MACROD2: variants seen among roughly 807,000 people sequenced by gnomAD.
MACROD2 encodes the protein ADP-ribose glycohydrolase MACROD2.
MACROD2 carries 36 observed loss-of-function variants against 70.4 expected under a neutral mutation model. That is an observed-to-expected ratio of 0.51 (90% CI 0.39 to 0.68). The LOEUF (loss-of-function observed/expected upper bound fraction) is 0.68. Among genes scored for constraint, MACROD2 ranks in the 30% least tolerant of loss-of-function variants. The pLI is 0.00. For missense variants in MACROD2, 496 were observed against 538.4 expected, an observed-to-expected ratio of 0.92 and a Z score of 0.78; for synonymous variants, 172 against 178.8, an observed-to-expected ratio of 0.96 and a Z score of 0.30.
At chr20:15,115,875 AT>A (rs1225543768) in intron 5 of MACROD2, among the ~76,000 whole-genome samples, 1 of 152,184 alleles carries the variant, frequency 6.6e-6, no homozygotes, top group Non-Finnish European at 1.5e-5. Flanking sequence ...GAAAAGAAAG[AT>A]CAGTTGGTGG....
chr20:15,641,806 C>T (rs938294371), intron 8 of MACROD2, among the ~76,000 whole-genome samples: 2 of 152,090 alleles, frequency 1.3e-5, no homozygotes, highest in African/African-American at 2.4e-5. Context: ...TTCTTTGTCT[C>T]CTAACCAAAA....
chr20:14,707,151 T>G (rs1401863738), intron 5 of MACROD2, among the ~76,000 whole-genome samples: 3 of 152,110 alleles, frequency 2.0e-5, no homozygotes, highest in Non-Finnish European at 4.4e-5. Context: ...TGAGTGTAAT[T>G]CCAGTCATCT....
chr20:15,588,340 C>G (rs2048631352), intron 8 of MACROD2, among the ~76,000 whole-genome samples: 1 of 152,136 alleles, frequency 6.6e-6, no homozygotes, highest in South Asian at 2.1e-4. Flanking sequence ...TCCCGGGCCT[C>G]TGAGCCTGTG....
At chr20:14,411,785 G>A (rs1450219062) in intron 3 of MACROD2, among the ~76,000 whole-genome samples, 1 of 152,018 alleles carries the variant, frequency 6.6e-6, no homozygotes, top group Admixed American at 6.6e-5. Flanking sequence ...GCTGTAGACT[G>A]TGCAACTATG....
At chr20:15,037,497 C>A (rs1172222256) in intron 5 of MACROD2, among the ~76,000 whole-genome samples, 1 of 152,132 alleles carries the variant, frequency 6.6e-6, no homozygotes, top group Non-Finnish European at 1.5e-5. Context: ...TGGTACAACT[C>A]TTTAGGATGA....
chr20:14,483,261 C>T (rs2084683245), intron 3 of MACROD2, among the ~76,000 whole-genome samples: 1 of 152,136 alleles, frequency 6.6e-6, no homozygotes, highest in Admixed American at 6.5e-5. Flanking sequence ...TGAATGGAAG[C>T]AGAAAGCTTA....
At chr20:14,011,339 T>C (rs1569113932) in intron 2 of MACROD2, among the ~76,000 whole-genome samples, 1 of 152,168 alleles carries the variant, frequency 6.6e-6, no homozygotes, top group Non-Finnish European at 1.5e-5. Context: ...AGCAGCCTTA[T>C]AAATGAGGGC....
chr20:14,202,517 A>G (rs1162734208), intron 3 of MACROD2, among the ~76,000 whole-genome samples: 1 of 152,214 alleles, frequency 6.6e-6, no homozygotes, highest in Non-Finnish European at 1.5e-5. Flanking sequence ...TAATTACTGA[A>G]TGAATCTCCA....
intron 7 of MACROD2, among the ~76,000 whole-genome samples, chr20:15,472,964 G>T (rs1308790090): frequency 1.3e-5 from 2 of 152,102 alleles, no homozygotes; most frequent in Non-Finnish European, 2.9e-5. Context: ...AATCTGGTAA[G>T]AATCTTTCTT....
chr20:14,393,846 A>G (rs891257418), intron 3 of MACROD2, among the ~76,000 whole-genome samples: 1 of 152,166 alleles, frequency 6.6e-6, no homozygotes. Flanking sequence ...GGTTAAGATG[A>G]TGTCATGCGG....
chr20:15,538,357 T>A (rs1000972819), intron 8 of MACROD2, among the ~76,000 whole-genome samples: 10 of 152,248 alleles, frequency 6.6e-5, no homozygotes, highest in Non-Finnish European at 1.0e-4. Context: ...CACTAAACAA[T>A]TTGAGATGTA....
chr20:14,570,856 A>C (rs999967207), intron 4 of MACROD2, among the ~76,000 whole-genome samples: 3 of 151,946 alleles, frequency 2.0e-5, no homozygotes, highest in African/African-American at 7.3e-5. Context: ...TCAGTTCAAA[A>C]GAGGGAAACA....
At chr20:15,831,574 C>T (rs886777815) in intron 8 of MACROD2, among the ~76,000 whole-genome samples, 3 of 152,210 alleles carry the variant, frequency 2.0e-5, no homozygotes, top group African/African-American at 7.2e-5. Context: ...CTTTCATGGT[C>T]CATCCTCCTG....
intron 5 of MACROD2, among the ~76,000 whole-genome samples, chr20:15,195,736 A>G (rs564011182): frequency 6.6e-5 from 10 of 152,302 alleles, no homozygotes; most frequent in Non-Finnish European, 1.5e-4. Context: ...CTGGATATAT[A>G]CCCAAAGGAA....
intron 3 of MACROD2, among the ~76,000 whole-genome samples, chr20:14,240,289 A>G (rs536032942): frequency 6.6e-6 from 1 of 152,228 alleles, no homozygotes; most frequent in African/African-American, 2.4e-5. Context: ...ATGATTTCCA[A>G]AATAACTTAA....
chr20:15,055,650 G>C (rs1047886288), intron 5 of MACROD2, among the ~76,000 whole-genome samples: 5 of 152,140 alleles, frequency 3.3e-5, no homozygotes, highest in Admixed American at 1.3e-4. Flanking sequence ...TTTGATTAAG[G>C]AGAATGGATG....
intron 4 of MACROD2, among the ~76,000 whole-genome samples, chr20:14,524,462 T>G (rs1344948889): frequency 1.3e-5 from 2 of 152,216 alleles, no homozygotes; most frequent in Non-Finnish European, 2.9e-5. Context: ...ACTGGACAAG[T>G]GAAGACTTTC....
At chr20:14,593,389 G>A (rs1014367868) in intron 4 of MACROD2, among the ~76,000 whole-genome samples, 7 of 152,152 alleles carry the variant, frequency 4.6e-5, no homozygotes, top group Admixed American at 6.5e-5. Context: ...ACAGTGAGGT[G>A]AGGGAGGGAA....
intron 7 of MACROD2, among the ~76,000 whole-genome samples, chr20:15,465,643 C>A (rs1197874149): frequency 1.3e-5 from 2 of 152,210 alleles, no homozygotes; most frequent in Non-Finnish European, 2.9e-5. Context: ...CTTCTCTAAG[C>A]GTGTGAGGCA....
Sources: gnomAD v4.1 joint callset for allele counts (sites outside exome capture counted in the v4.1 genomes callset) on GRCh38, gnomAD v4.1.1 for gene constraint, MANE v1.5 for transcripts, NCBI Gene and HGNC (gene_info 2026-07-23, HGNC 2026-07-21) for gene names.